The following PIP5K1C variants were observed in gnomAD, a reference collection of about 807,000 sequenced individuals.
PIP5K1C encodes phosphatidylinositol 4-phosphate 5-kinase type-1 gamma.
In PIP5K1C, 45 loss-of-function variants were observed where a neutral mutation model predicts 80.1. The observed-to-expected ratio is 0.56, with a 90% CI of 0.44 to 0.72. The LOEUF (loss-of-function observed/expected upper bound fraction) is 0.72. Ranked by LOEUF, PIP5K1C falls within the 30% of genes least tolerant of loss-of-function variation. The pLI is 0.00. For missense variants in PIP5K1C, 753 were observed against 954.6 expected, an observed-to-expected ratio of 0.79 and a Z score of 2.78; for synonymous variants, 498 against 420.1, an observed-to-expected ratio of 1.19 and a Z score of -2.27.
chr19:3,691,078 C>T (rs1433731324), intron 1 of PIP5K1C, among the ~76,000 whole-genome samples: 1 of 152,184 alleles, frequency 6.6e-6, no homozygotes, highest in Non-Finnish European at 1.5e-5. Flanking sequence ...GGTCTCTGCT[C>T]CCCTTGTGGA....
chr19:3,678,033 G>GCA (rs2035435849), intron 1 of PIP5K1C, among the ~76,000 whole-genome samples: 1 of 130,052 alleles, frequency 7.7e-6, no homozygotes, highest in East Asian at 2.2e-4. Flanking sequence ...ACGGAGGGAT[G>GCA]GAGAATGGAG....
At chr19:3,638,373 T>C (rs2033795182) in intron 16 of PIP5K1C, among the ~76,000 whole-genome samples, 1 of 152,090 alleles carries the variant, frequency 6.6e-6, no homozygotes, top group African/African-American at 2.4e-5. Flanking sequence ...GAAGCCCTCC[T>C]GCCACTGCCC....
rs1223109958 is a variant in PIP5K1C at position 3,635,328 on chromosome 19, C to T, written c.1921-1808G>A. The stretch of plus-strand genomic sequence containing the variant: ...TTGGGAGGCCAAGGCAGGTGGATCA[C>T]TTGAGGTCAGGAGTTCAAGACCAGC... On this transcript the variant is annotated intron_variant, in intron 16 of 17. Transcript: ENST00000335312. Among the ~76,000 whole-genome samples, 10 of 152,216 alleles carry T rather than the reference C, an allele frequency of 6.6e-5. No individual in the cohort carries two copies. The East Asian group carries it at 1.7e-3, about 26-fold the overall frequency.
chr19:3,676,799 G>A (rs533066581), intron 1 of PIP5K1C, among the ~76,000 whole-genome samples: 6 of 152,212 alleles, frequency 3.9e-5, no homozygotes, highest in African/African-American at 1.2e-4. Context: ...GGAGAGAAAG[G>A]GAGACTGCTT....
intron 3 of PIP5K1C, among the ~76,000 whole-genome samples, chr19:3,663,612 A>G (rs12973320): frequency 0.85 from 129,981 of 152,226 alleles, 55,984 homozygotes; most frequent in African/African-American, 0.97. Flanking sequence ...CTGGGAGTTC[A>G]AGACCAGCCT....
intron 1 of PIP5K1C, among the ~76,000 whole-genome samples, chr19:3,683,772 GGCCC>G (rs1450404080): frequency 1.3e-5 from 2 of 152,006 alleles, no homozygotes; most frequent in African/African-American, 4.8e-5. Flanking sequence ...CCAGTACGGA[GGCCC>G]CGGGGCAGGA....
Position 3,630,692 on chromosome 19 carries a change from C to T in PIP5K1C, c.*2475G>A, listed in dbSNP as rs112547299. ...CTGGCAGGAGACACATGGAAGTTTC[C>T]GCCTTGTCAGTCTCAGAGCAAACGC... On this transcript the variant is annotated 3_prime_UTR_variant, in exon 18 of 18. Transcript: ENST00000335312. 3.3e-3 allele frequency: 509 copies of T among 152,492 alleles called. 1 individual carries two copies. The highest frequency in any genetic ancestry group is 5.8e-3 in the Non-Finnish European group (396 of 68,012). 9.4% of individuals were successfully genotyped at this position (152,492 alleles called of 1,614,324 possible). A position where few individuals can be genotyped will look rare whatever the true frequency, so the allele number is the denominator to read the frequency against.
intron 1 of PIP5K1C, among the ~76,000 whole-genome samples, chr19:3,693,210 C>A (rs914047091): frequency 3.9e-5 from 6 of 152,188 alleles, no homozygotes; most frequent in Admixed American, 6.5e-5. Flanking sequence ...CACCCCACTC[C>A]CGGAAACCTT....
chr19:3,643,370 G>A lies in PIP5K1C; in HGVS notation c.1522C>T (p.Leu508Phe). The A allele has an allele frequency of 1.2e-6, 2 of 1,613,586 alleles. No homozygotes were observed. Among genetic ancestry groups the A allele is most frequent in the South Asian group, 2.2e-5 (2 of 91,086 alleles). ...AAAGAAGGTGGCGTGCAGGGCAGGAGGTCGGGCCGGCCTGAGGGGAGAGGA... is the reference window on the plus strand; with the variant it reads ...AAAGAAGGTGGCGTGCAGGGCAGGAAGTCGGGCCGGCCTGAGGGGAGAGGA... ...PTLEDEGRPD[L>F]LPCTPPSFEE... Residue 508 changes from leucine (L) to phenylalanine (F), a missense_variant, in exon 13 of 18, where the codon CTC becomes TTC. By Grantham distance (22) the Leu-to-Phe change is conservative (BLOSUM62 0). Transcript: ENST00000335312.
chr19:3,642,896 T>C lies in PIP5K1C; in HGVS notation c.1682+11A>G. ...GGTGAGACCCAGGGAAGGAAGGGGG[T>C]TGGGTCTCACCTGCCATCCTGTCCA... On this transcript the variant is annotated intron_variant, in intron 14 of 17. Transcript: ENST00000335312. 1 of 1,610,514 alleles carries C rather than the reference T, an allele frequency of 6.2e-7. No homozygotes were observed. The highest frequency in any genetic ancestry group is 8.5e-7 in the Non-Finnish European group (1 of 1,177,778).
intron 1 of PIP5K1C, among the ~76,000 whole-genome samples, chr19:3,689,131 T>G (rs968148845): frequency 6.6e-6 from 1 of 152,116 alleles, no homozygotes; most frequent in African/African-American, 2.4e-5. Flanking sequence ...AATCCAGTTA[T>G]TCTCCCACCT....
At chr19:3,634,407 C>T (rs758747808) in intron 16 of PIP5K1C, among the ~76,000 whole-genome samples, 1 of 152,078 alleles carries the variant, frequency 6.6e-6, no homozygotes, top group Middle Eastern at 3.2e-3. Context: ...GGGCCTCTGT[C>T]ACCAACCCAG....
Position 3,696,250 on chromosome 19 carries a change from C to T in PIP5K1C, c.94+4047G>A, listed in dbSNP as rs549334092. ...GCCACCCCATTCTACCTTACCCTTCCTCCCTGGCACTGCTGGCCTCATGCA... is the reference window on the plus strand; with the variant it reads ...GCCACCCCATTCTACCTTACCCTTCTTCCCTGGCACTGCTGGCCTCATGCA... On this transcript the variant is annotated intron_variant, in intron 1 of 17. Coordinates refer to ENST00000335312, the MANE Select transcript of PIP5K1C (RefSeq NM_012398.3). The surrounding 1 kb of genome is among the most constrained non-coding windows in gnomAD (Gnocchi z 4.1). 6.6e-6 allele frequency among the ~76,000 whole-genome samples: 1 copy of T among 152,228 alleles called. No homozygotes were observed. Among genetic ancestry groups the T allele is most frequent in the South Asian group, 2.1e-4 (1 of 4,832 alleles).
chr19:3,660,894 C>A lies in PIP5K1C; in HGVS notation c.468+72G>T, dbSNP rs149195283. ...AGGGAGGCTGCCCCCAAATGCCTGACCCACAGACCCTCCGAGACCCTGAAC... is the reference window on the plus strand; with the variant it reads ...AGGGAGGCTGCCCCCAAATGCCTGAACCACAGACCCTCCGAGACCCTGAAC... On this transcript the variant is annotated intron_variant, in intron 5 of 17. Coordinates refer to ENST00000335312, the MANE Select transcript of PIP5K1C (RefSeq NM_012398.3). 11,947 of 1,267,522 alleles carry A rather than the reference C, an allele frequency of 9.4e-3. 81 individuals are homozygous for A. Among genetic ancestry groups the A allele is most frequent in the Non-Finnish European group, 0.012 (10,786 of 869,022 alleles). 78.5% of individuals were successfully genotyped at this position (1,267,522 alleles called of 1,614,324 possible).
chr19:3,672,100 G>A (rs1024877226), intron 1 of PIP5K1C, among the ~76,000 whole-genome samples: 18 of 152,198 alleles, frequency 1.2e-4, no homozygotes, highest in Admixed American at 8.5e-4. Flanking sequence ...GGCTCTGATC[G>A]CTGGCTGCAC....
Position 3,641,730 on chromosome 19 carries a change from C to G in PIP5K1C, c.1762G>C (p.Val588Leu), listed in dbSNP as rs965412122. Residue 588 changes from valine to leucine, a missense_variant, in exon 15 of 18, where the codon GTG becomes CTG. By Grantham distance (32) the Val-to-Leu change is conservative. This residue lies in a region of PIP5K1C where 315 missense variants were observed against 294.5 expected (regional missense o/e 1.07). Coordinates refer to ENST00000335312, the MANE Select transcript of PIP5K1C (RefSeq NM_012398.3). ...CCTGCGTCCTCCTCTTTGGGGACCA[C>G]AATCTCCACGCTGCACGCAGGCTCC... ...QVEPACSVEI[V>L]VPKEEDAGVE... is the part of the protein sequence containing the mutation. 1.2e-6 allele frequency: 2 copies of G among 1,610,086 alleles called. No individual in the cohort carries two copies. Among genetic ancestry groups the G allele is most frequent in the Admixed American group, 3.3e-5 (2 of 60,018 alleles).
chr19:3,647,496 C>T (rs577415979), intron 9 of PIP5K1C, 110 bp from the exon 10 acceptor site: 4 of 942,324 alleles, frequency 4.2e-6, no homozygotes, highest in South Asian at 2.8e-5. Context: ...TGGCCTCAAG[C>T]AGTCGTGGCT....
chr19:3,695,482 T>A (rs1468767315), intron 1 of PIP5K1C, among the ~76,000 whole-genome samples: 1 of 152,158 alleles, frequency 6.6e-6, no homozygotes, highest in African/African-American at 2.4e-5. Flanking sequence ...ACGCCCACTT[T>A]ACAGACAGGT....
intron 7 of PIP5K1C, 107 bp from the exon 8 acceptor site, chr19:3,652,138 G>A: frequency 3.9e-6 from 4 of 1,013,088 alleles, no homozygotes; most frequent in African/African-American, 1.6e-5. Context: ...GTGGGCTCGG[G>A]TGTGAGAGAT....
Sources: gnomAD v4.1 joint callset for allele counts (sites outside exome capture counted in the v4.1 genomes callset) on GRCh38, gnomAD v4.1.1 for gene constraint, gnomAD v4.1.1 regional missense constraint, Gnocchi (gnomAD v3.1) non-coding constraint, MANE v1.5 for transcripts, NCBI Gene and HGNC (gene_info 2026-07-23, HGNC 2026-07-21) for gene names.